AP3B1: variants seen among roughly 807,000 people sequenced by gnomAD.
The protein encoded by AP3B1 is AP-3 complex subunit beta-1.
A neutral mutation model predicts 132.5 loss-of-function variants in AP3B1; 61 were observed. That is an observed-to-expected ratio of 0.46 (90% CI 0.37 to 0.57). The LOEUF is 0.57. AP3B1 is among the 20% of genes least tolerant of loss of function. AP3B1 has a pLI of 0.00. For synonymous variants in AP3B1, 388 were observed against 438.3 expected (o/e 0.89, Z 1.43); for missense variants, 1,120 against 1,289.4 (o/e 0.87, Z 2.01).
chr5:78,227,274 G>A (rs2112494400), intron 5 of AP3B1, 98 bp downstream of exon 5: 1 of 1,160,934 alleles, frequency 8.6e-7, no homozygotes, highest in South Asian at 1.3e-5. Context: ...TAGTGTAAGA[G>A]CAGCCTACCT....
chr5:78,082,045 T>G (rs1176003249), intron 22 of AP3B1, among the ~76,000 whole-genome samples: 2 of 151,954 alleles, frequency 1.3e-5, no homozygotes, highest in Non-Finnish European at 2.9e-5. Flanking sequence ...ACAATAAGGG[T>G]TTTTCAGTCC....
chr5:78,224,775 A>G (rs1746335439), intron 6 of AP3B1, among the ~76,000 whole-genome samples: 1 of 152,098 alleles, frequency 6.6e-6, no homozygotes, highest in Non-Finnish European at 1.5e-5. Context: ...AACATTTTAC[A>G]ATGACAAAAG....
At chr5:78,078,163 T>A (rs1326831480) in intron 22 of AP3B1, among the ~76,000 whole-genome samples, 1 of 152,188 alleles carries the variant, frequency 6.6e-6, no homozygotes, top group Non-Finnish European at 1.5e-5. Flanking sequence ...AACTTGATGT[T>A]CCAAAAGCAC....
intron 9 of AP3B1, among the ~76,000 whole-genome samples, chr5:78,177,128 G>A (rs996916348): frequency 2.0e-5 from 3 of 152,174 alleles, no homozygotes; most frequent in East Asian, 1.9e-4. Flanking sequence ...ATATCTTTGG[G>A]CTTGAGGTTA....
chr5:78,094,284 T>C (rs1348469949), intron 21 of AP3B1, among the ~76,000 whole-genome samples: 1 of 152,204 alleles, frequency 6.6e-6, no homozygotes, highest in Non-Finnish European at 1.5e-5. Context: ...AGGTCATATA[T>C]TATCCTAGAA....
At chr5:78,285,096 A>C (rs13175926) in intron 1 of AP3B1, among the ~76,000 whole-genome samples, 34,192 of 151,864 alleles carry the variant, frequency 0.23, 4,499 homozygotes, top group Middle Eastern at 0.31. Flanking sequence ...AAATACAAAA[A>C]AAATTAGCTG....
At chr5:78,058,393 C>T (rs556683302) in intron 22 of AP3B1, among the ~76,000 whole-genome samples, 11 of 151,742 alleles carry the variant, frequency 7.2e-5, no homozygotes, top group African/African-American at 2.4e-4. Flanking sequence ...CCAGCTACTC[C>T]GGAGGCTGAG....
At chr5:78,248,096 A>G (rs1417544568) in intron 2 of AP3B1, among the ~76,000 whole-genome samples, 2 of 152,214 alleles carry the variant, frequency 1.3e-5, no homozygotes, top group Non-Finnish European at 2.9e-5. Context: ...TTATCGGATT[A>G]TCAGATACAT....
chr5:78,092,625 A>G (rs577963157), intron 21 of AP3B1, among the ~76,000 whole-genome samples: 1 of 152,312 alleles, frequency 6.6e-6, no homozygotes, highest in African/African-American at 2.4e-5. Context: ...AATACTGTGT[A>G]AGCTGGTACA....
chr5:78,033,362 A>G (rs1284251067), intron 24 of AP3B1, among the ~76,000 whole-genome samples: 1 of 152,084 alleles, frequency 6.6e-6, no homozygotes, highest in Non-Finnish European at 1.5e-5. Flanking sequence ...CATAAAATCA[A>G]TGTGTTATGC....
chr5:78,237,100 T>C (rs924550249), intron 3 of AP3B1, among the ~76,000 whole-genome samples: 1 of 152,230 alleles, frequency 6.6e-6, no homozygotes, highest in African/African-American at 2.4e-5. Context: ...ACTGTTTTGA[T>C]TTTGGCTTAT....
chr5:78,108,737 C>G (rs1049883789), intron 20 of AP3B1, among the ~76,000 whole-genome samples: 2 of 152,130 alleles, frequency 1.3e-5, no homozygotes, highest in African/African-American at 4.8e-5. Context: ...AATCACTGAC[C>G]TGGAGTGCCC....
intron 7 of AP3B1, among the ~76,000 whole-genome samples, chr5:78,187,862 AT>A (rs1315624651): frequency 6.6e-6 from 1 of 152,240 alleles, no homozygotes; most frequent in African/African-American, 2.4e-5. Context: ...CCAAAACAGC[AT>A]GGTACTGGTA....
intron 3 of AP3B1, among the ~76,000 whole-genome samples, chr5:78,239,472 G>GAAAAAAA (rs1302357220): frequency 2.5e-5 from 1 of 39,520 alleles, no homozygotes; most frequent in Non-Finnish European, 5.3e-5. Flanking sequence ...CCCTGTCTCA[G>GAAAAAAA]AAAAAAAAAA....
At chr5:78,193,762 A>ATTTT (rs1561469558) in intron 7 of AP3B1, among the ~76,000 whole-genome samples, 1 of 107,896 alleles carries the variant, frequency 9.3e-6, no homozygotes, top group African/African-American at 3.4e-5. Context: ...ATATATATAT[A>ATTTT]TATATATATT....
chr5:78,010,117 G>A (rs945561392), intron 26 of AP3B1, among the ~76,000 whole-genome samples: 4 of 152,164 alleles, frequency 2.6e-5, no homozygotes, highest in African/African-American at 7.2e-5. Flanking sequence ...CTGCTCTAAT[G>A]TACTCCCGTA....
intron 26 of AP3B1, among the ~76,000 whole-genome samples, chr5:78,008,173 T>C (rs1034298016): frequency 1.3e-5 from 2 of 149,492 alleles, no homozygotes; most frequent in African/African-American, 4.9e-5. Context: ...GTTTGTCTGG[T>C]GGGGGTGGGG....
intron 17 of AP3B1, among the ~76,000 whole-genome samples, chr5:78,125,069 G>A (rs185785391): frequency 7.0e-4 from 107 of 152,176 alleles, no homozygotes; most frequent in African/African-American, 2.5e-3. Flanking sequence ...AAGAAAAGAA[G>A]AGAACATAGA....
At chr5:78,035,700 T>C (rs979924773) in intron 23 of AP3B1, among the ~76,000 whole-genome samples, 1 of 152,084 alleles carries the variant, frequency 6.6e-6, no homozygotes, top group Non-Finnish European at 1.5e-5. Context: ...TGCTATTTGC[T>C]CAGTGGTATG....
Sources: gnomAD v4.1 joint callset for allele counts (sites outside exome capture counted in the v4.1 genomes callset) on GRCh38, gnomAD v4.1.1 for gene constraint, MANE v1.5 for transcripts, NCBI Gene and HGNC (gene_info 2026-07-23, HGNC 2026-07-21) for gene names.